ARID2: variants seen among roughly 807,000 people sequenced by gnomAD.
ARID2 encodes AT-rich interactive domain-containing protein 2.
Under a neutral mutation model 184.6 loss-of-function variants are expected in ARID2, and 32 were observed. That is an observed-to-expected ratio of 0.17 (90% confidence interval 0.13 to 0.23). The LOEUF is 0.23. ARID2 is among the 10% of genes least tolerant of loss of function. The probability of loss-of-function intolerance (pLI) is 1.00; values close to 1 mark genes in which losing one functional copy is unlikely to be tolerated. For missense variants in ARID2, 1,696 were observed against 2,197.6 expected (o/e 0.77, Z 4.56); for synonymous variants, 836 against 772.6 (o/e 1.08, Z -1.36).
chr12:45,884,364 C>T (rs961032312), intron 16 of ARID2, among the ~76,000 whole-genome samples: 1 of 152,112 alleles, frequency 6.6e-6, no homozygotes, highest in African/African-American at 2.4e-5. Flanking sequence ...CCAGTATACT[C>T]CAGCCTGCTC....
At chr12:45,750,604 GAT>G (rs1941445448) in intron 3 of ARID2, among the ~76,000 whole-genome samples, 2 of 152,164 alleles carry the variant, frequency 1.3e-5, no homozygotes, top group Admixed American at 6.5e-5. Flanking sequence ...GTTTTAAACT[GAT>G]ATGTGAGGAT....
At chr12:45,805,135 G>T (rs1184322971) in intron 3 of ARID2, among the ~76,000 whole-genome samples, 1 of 151,944 alleles carries the variant, frequency 6.6e-6, no homozygotes, top group African/African-American at 2.4e-5. Context: ...GTATGCCTCA[G>T]AGTGGATTTG....
intron 16 of ARID2, among the ~76,000 whole-genome samples, chr12:45,865,841 T>G (rs1943823047): frequency 6.6e-6 from 1 of 152,158 alleles, no homozygotes; most frequent in South Asian, 2.1e-4. Flanking sequence ...CACTGTCCAG[T>G]GGGACAATCC....
In ARID2 at chr12:45,891,930, A is replaced by C. The variant is rs547670228; in HGVS notation, c.5061+12A>C. On this transcript the variant is annotated intron_variant, in intron 17 of 20. Transcript: ENST00000334344. Reference sequence around the variant, plus strand: ...TTACCCACTTGCAGGTACACTTTTTAAATACTATTTGATCAGTAACTCATT... The same window carrying C: ...TTACCCACTTGCAGGTACACTTTTTCAATACTATTTGATCAGTAACTCATT... 6 of 1,613,990 alleles carry C rather than the reference A, an allele frequency of 3.7e-6. No individual in the cohort carries two copies. In the South Asian group the frequency reaches 6.6e-5, roughly 18 times the overall value.
chr12:45,807,490 A>G (rs1440213876), intron 3 of ARID2, among the ~76,000 whole-genome samples: 1 of 152,180 alleles, frequency 6.6e-6, no homozygotes, highest in African/African-American at 2.4e-5. Flanking sequence ...GGTTGTCAAG[A>G]TGGGTAACTG....
chr12:45,764,753 T>A (rs182977919), intron 3 of ARID2, among the ~76,000 whole-genome samples: 28 of 152,390 alleles, frequency 1.8e-4, no homozygotes, highest in Admixed American at 9.8e-4. Context: ...TTCTTTATTC[T>A]TTTTTAGTTG....
intron 3 of ARID2, among the ~76,000 whole-genome samples, chr12:45,782,025 A>G (rs1942100856): frequency 6.6e-6 from 1 of 152,196 alleles, no homozygotes; most frequent in Admixed American, 6.5e-5. Flanking sequence ...TAAAAAGTTA[A>G]TATAAAAGTT....
At chr12:45,826,283 C>G (rs1199822422) in intron 6 of ARID2, among the ~76,000 whole-genome samples, 1 of 151,728 alleles carries the variant, frequency 6.6e-6, no homozygotes, top group African/African-American at 2.4e-5. Context: ...AAATAGGAAC[C>G]TATAATGTCT....
chr12:45,729,736 G>A lies in ARID2; in HGVS notation c.-101G>A. 1 of 1,213,880 alleles carries A rather than the reference G, an allele frequency of 8.2e-7. No individual in the cohort carries two copies. Among genetic ancestry groups the A allele is most frequent in the Non-Finnish European group, 1.1e-6 (1 of 875,160 alleles). The allele number at this position is 1,213,880 out of a possible 1,614,324, so 75.2% of individuals were successfully genotyped here. ...CCCATGACTGAGCCCCGCCGCCGCC[G>A]GCCGAGGAATGGGCTCCGGGCTCTG... On this transcript the variant is annotated 5_prime_UTR_variant, in exon 1 of 21. Coordinates refer to ENST00000334344, the MANE Select transcript of ARID2 (RefSeq NM_152641.4).
intron 3 of ARID2, among the ~76,000 whole-genome samples, chr12:45,732,285 G>C (rs763203411): frequency 3.9e-5 from 6 of 152,008 alleles, no homozygotes; most frequent in Non-Finnish European, 7.4e-5. Flanking sequence ...TTTGAGTTTT[G>C]CATTTATTAT....
chr12:45,826,038 G>A (rs1942994031), intron 6 of ARID2, among the ~76,000 whole-genome samples: 1 of 151,904 alleles, frequency 6.6e-6, no homozygotes, highest in Admixed American at 6.6e-5. Context: ...CTTTACCTAA[G>A]AAGAGATAAA....
intron 3 of ARID2, among the ~76,000 whole-genome samples, chr12:45,796,766 G>A (rs908625053): frequency 6.6e-6 from 1 of 152,142 alleles, no homozygotes; most frequent in Non-Finnish European, 1.5e-5. Context: ...GCCCACCTTG[G>A]CCTCCCAGAG....
intron 20 of ARID2, among the ~76,000 whole-genome samples, chr12:45,894,722 A>G (rs183982643): frequency 1.1e-4 from 16 of 152,336 alleles, no homozygotes; most frequent in Middle Eastern, 3.4e-3. Context: ...CACTTGAGCC[A>G]AGTTTTTTTT....
chr12:45,754,792 C>T (rs994721690), intron 3 of ARID2, among the ~76,000 whole-genome samples: 1 of 152,130 alleles, frequency 6.6e-6, no homozygotes, highest in African/African-American at 2.4e-5. Context: ...ATTTTAGTAG[C>T]CCTAACATCA....
At chr12:45,884,647 A>G (rs1036803690) in intron 16 of ARID2, among the ~76,000 whole-genome samples, 17 of 152,236 alleles carry the variant, frequency 1.1e-4, no homozygotes, top group Non-Finnish European at 1.9e-4. Context: ...AAGAGCAAAT[A>G]CAGAAATCTT....
chr12:45,818,159 C>T (rs918116301), intron 5 of ARID2, among the ~76,000 whole-genome samples: 2 of 152,026 alleles, frequency 1.3e-5, no homozygotes, highest in Non-Finnish European at 1.5e-5. Context: ...TTGCTTGCTA[C>T]AAGATTTTGA....
At chr12:45,755,781 A>T (rs986966427) in intron 3 of ARID2, 1 of 160,366 alleles carries the variant, frequency 6.2e-6, no homozygotes, top group East Asian at 1.9e-4. Context: ...ATTTGGCAAC[A>T]TTGTCTTCTA....
At chr12:45,900,503 AGTT>A (rs1944443926) in intron 20 of ARID2, among the ~76,000 whole-genome samples, 1 of 152,198 alleles carries the variant, frequency 6.6e-6, no homozygotes, top group South Asian at 2.1e-4. Context: ...ACTGAAACAC[AGTT>A]GTTAAACCTC....
At position 45,852,642 on chromosome 12, in the gene ARID2, A is replaced by C. The variant is rs150428204; in HGVS notation, c.4519A>C (p.Asn1507His). 6.2e-7 allele frequency: 1 copy of C among 1,614,204 alleles called. No homozygotes were observed. The highest frequency in any genetic ancestry group is 1.7e-5 in the Admixed American group (1 of 60,028). Residue 1507 changes from asparagine to histidine, a missense_variant, in exon 15 of 21, where the codon AAT (asparagine) becomes CAT (histidine). Around this residue, in one of 11 missense-constraint regions of ARID2, gnomAD observed 428 missense variants for 409.1 expected, o/e 1.05. Transcript: ENST00000334344. ...CCTATCATCTGACGTTCGGTCTACA[A>C]ATGGCACAGCAGAATGCAAAACTGT... is the stretch of plus-strand genomic sequence containing the variant. ...PALSSDVRST[N>H]GTAECKTVKR...
Sources: allele counts gnomAD v4.1 joint callset (sites outside exome capture counted in the v4.1 genomes callset), GRCh38; gene constraint gnomAD v4.1.1; regional missense constraint gnomAD v4.1.1; transcripts MANE v1.5; gene names NCBI Gene and HGNC (gene_info 2026-07-23, HGNC 2026-07-21).